The following ZNF385B variants were observed in gnomAD, a reference collection of about 807,000 sequenced individuals.
The protein encoded by ZNF385B is zinc finger protein 533.
A neutral mutation model predicts 39.2 loss-of-function variants in ZNF385B; 23 were observed. The observed-to-expected ratio is 0.59, with a 90% confidence interval of 0.42 to 0.83. ZNF385B has a LOEUF of 0.83. ZNF385B is among the 40% of genes least tolerant of loss of function. The probability of loss-of-function intolerance (pLI) is 0.00; values close to 1 mark genes in which losing one functional copy is unlikely to be tolerated. For missense variants in ZNF385B, 552 were observed against 598.9 expected (o/e 0.92, Z 0.82); for synonymous variants, 205 against 222.6 (o/e 0.92, Z 0.70).
rs767500606 is a variant in ZNF385B, at chr2:179,475,251, A to ATTT, written c.715+8018_715+8020dup. On this transcript the variant is annotated intron_variant, in intron 6 of 9. Coordinates refer to ENST00000410066, the MANE Select transcript of ZNF385B (RefSeq NM_152520.6). ...TATAGACCATTTCCATTATCGCACA[A>ATTT]TTTTTTTTTTTTTTTTTTTGACAGA... Among the ~76,000 whole-genome samples, 414 of 136,932 alleles carry ATTT rather than the reference A, an allele frequency of 3.0e-3. 3 individuals are homozygous for ATTT. The highest frequency in any genetic ancestry group is 3.9e-3 in the East Asian group (18 of 4,594). The allele number at this position is 136,932 out of a possible 152,430, so 89.8% of individuals were successfully genotyped here.
intron 1 of ZNF385B, among the ~76,000 whole-genome samples, chr2:179,841,143 G>A (rs970602483): frequency 2.0e-5 from 3 of 152,212 alleles, no homozygotes; most frequent in African/African-American, 4.8e-5. Flanking sequence ...ATCGTACAAG[G>A]CAGAGAAAAA....
chr2:179,829,518 T>G (rs1046948725), intron 1 of ZNF385B, among the ~76,000 whole-genome samples: 1 of 152,088 alleles, frequency 6.6e-6, no homozygotes, highest in African/African-American at 2.4e-5. Context: ...TATGACTTTT[T>G]TTTTCTTTTT....
chr2:179,692,028 T>C (rs193047152), intron 3 of ZNF385B, among the ~76,000 whole-genome samples: 23 of 152,276 alleles, frequency 1.5e-4, no homozygotes, highest in African/African-American at 5.3e-4. Flanking sequence ...TCCACTCTTT[T>C]AGTTATTTTG....
intron 1 of ZNF385B, among the ~76,000 whole-genome samples, chr2:179,781,042 A>G (rs1463250549): frequency 2.0e-5 from 3 of 152,192 alleles, no homozygotes; most frequent in African/African-American, 7.2e-5. Flanking sequence ...TTGCATTTTC[A>G]TATTACAAAA....
chr2:179,501,602 G>A (rs2056768403), intron 5 of ZNF385B, among the ~76,000 whole-genome samples: 1 of 152,154 alleles, frequency 6.6e-6, no homozygotes, highest in African/African-American at 2.4e-5. Context: ...GGAGCTGGGA[G>A]AGAGGTGAGG....
At chr2:179,645,595 ATATAGT>A (rs1692647578) in intron 3 of ZNF385B, among the ~76,000 whole-genome samples, 1 of 152,180 alleles carries the variant, frequency 6.6e-6, no homozygotes, top group Non-Finnish European at 1.5e-5. Context: ...GGTTCTCCCA[ATATAGT>A]TCATGAAGAC....
chr2:179,582,552 C>T (rs1206586729), intron 3 of ZNF385B, among the ~76,000 whole-genome samples: 1 of 152,090 alleles, frequency 6.6e-6, no homozygotes, highest in Non-Finnish European at 1.5e-5. Flanking sequence ...TCCTTAGGTA[C>T]TCCTTTAGTT....
Position 179,443,285 on chromosome 2 carries a change from C to T in ZNF385B, c.1426G>A (p.Ala476Thr), listed in dbSNP as rs1463570303. 1.1e-5 allele frequency: 17 copies of T among 1,612,322 alleles called. No individual in the cohort carries two copies. The highest frequency in any genetic ancestry group is 2.1e-4 in the Middle Eastern group (1 of 4,784). The change falls in exon 10 of 10, where the codon GCC becomes ACC. Residue 476 changes from alanine to threonine, a missense_variant. By Grantham distance (58) the Ala-to-Thr change is moderately conservative. Coordinates refer to ENST00000410066, the MANE Select transcript of ZNF385B (RefSeq NM_152520.6). ...LLRPGHGPIR[A>T]TPASILFAPY Reference sequence around the variant, plus strand: ...GCAAAGAGGATGGAGGCAGGAGTGGCGCGGATGGGCCCATGCCCAGGCCTC... The same window carrying T: ...GCAAAGAGGATGGAGGCAGGAGTGGTGCGGATGGGCCCATGCCCAGGCCTC...
chr2:179,776,826 G>A (rs916185070), intron 1 of ZNF385B, among the ~76,000 whole-genome samples: 1 of 152,124 alleles, frequency 6.6e-6, no homozygotes, highest in Non-Finnish European at 1.5e-5. Context: ...CAGCTAGTAG[G>A]GGAGATATTT....
intron 3 of ZNF385B, among the ~76,000 whole-genome samples, chr2:179,764,608 T>G (rs1313154685): frequency 6.6e-6 from 1 of 152,216 alleles, no homozygotes; most frequent in Non-Finnish European, 1.5e-5. Context: ...TCTCTTTGTA[T>G]AGTTTTCATA....
chr2:179,850,321 T>TA (rs1258215423), intron 1 of ZNF385B, among the ~76,000 whole-genome samples: 2 of 152,198 alleles, frequency 1.3e-5, no homozygotes, highest in East Asian at 3.9e-4. Flanking sequence ...TTCCTTCTGT[T>TA]ATGTCTGGTG....
intron 3 of ZNF385B, among the ~76,000 whole-genome samples, chr2:179,673,574 A>C (rs1225902555): frequency 1.3e-5 from 2 of 152,150 alleles, no homozygotes; most frequent in Non-Finnish European, 2.9e-5. Context: ...CCCTGAATAA[A>C]ATTAAAAAGG....
intron 5 of ZNF385B, among the ~76,000 whole-genome samples, chr2:179,505,835 C>G (rs181356630): frequency 6.6e-6 from 1 of 151,962 alleles, no homozygotes; most frequent in African/African-American, 2.4e-5. Flanking sequence ...AATAAAAAAA[C>G]GGACCAAAAA....
intron 1 of ZNF385B, among the ~76,000 whole-genome samples, chr2:179,831,298 G>T (rs1707970242): frequency 6.6e-6 from 1 of 152,040 alleles, no homozygotes; most frequent in African/African-American, 2.4e-5. Flanking sequence ...TATGAGGTAG[G>T]TATCCTTGTT....
chr2:179,614,235 G>T (rs1425147011), intron 3 of ZNF385B, among the ~76,000 whole-genome samples: 2 of 151,960 alleles, frequency 1.3e-5, no homozygotes, highest in African/African-American at 4.8e-5. Flanking sequence ...GTGAATAGTT[G>T]TTCAATTTGG....
At chr2:179,858,192 G>T (rs1462701114) in intron 1 of ZNF385B, among the ~76,000 whole-genome samples, 2 of 152,194 alleles carry the variant, frequency 1.3e-5, no homozygotes, top group Admixed American at 6.5e-5. Context: ...AAAGCATCAT[G>T]GAGATGAAGT....
intron 1 of ZNF385B, among the ~76,000 whole-genome samples, chr2:179,797,368 T>G (rs937311829): frequency 6.6e-6 from 1 of 152,202 alleles, no homozygotes; most frequent in African/African-American, 2.4e-5. Context: ...CTAAAAGATG[T>G]AAATTAAAAA....
intron 3 of ZNF385B, among the ~76,000 whole-genome samples, chr2:179,602,726 C>T (rs1179399246): frequency 6.6e-6 from 1 of 151,992 alleles, no homozygotes; most frequent in Non-Finnish European, 1.5e-5. Context: ...GTCTGGGAAA[C>T]CAGAATGATT....
intron 3 of ZNF385B, among the ~76,000 whole-genome samples, chr2:179,720,040 G>A (rs1368611490): frequency 6.6e-6 from 1 of 152,142 alleles, no homozygotes. Context: ...TGTTTTCACA[G>A]TAAACAGTAT....
Sources: gnomAD v4.1 joint callset for allele counts (sites outside exome capture counted in the v4.1 genomes callset) on GRCh38, gnomAD v4.1.1 for gene constraint, MANE v1.5 for transcripts, NCBI Gene and HGNC (gene_info 2026-07-23, HGNC 2026-07-21) for gene names.